Variants in GABBR1 observed in about 807,000 individuals in gnomAD.
GABBR1 encodes the protein gamma-aminobutyric acid type B receptor subunit 1.
GABBR1 carries 35 observed loss-of-function variants against 117.7 expected under a neutral mutation model. That is an observed-to-expected ratio of 0.30 (90% CI 0.23 to 0.39). The LOEUF is 0.39. Among genes scored for constraint, GABBR1 ranks in the 10% least tolerant of loss-of-function variants. GABBR1 has a pLI of 1.00. For missense variants in GABBR1, 709 were observed against 1,241.8 expected, an observed-to-expected ratio of 0.57 and a Z score of 6.45; for synonymous variants, 442 against 486.6, an observed-to-expected ratio of 0.91 and a Z score of 1.21.
chr6:29,632,255 G>C lies in GABBR1; in HGVS notation c.85+46C>G. Reference sequence around the variant, plus strand: ...CAGAAATGAGGAGATGCAGGGAAAGGGAAGTGGAGCGAAGGAGGGCCGGAG... The same window carrying C: ...CAGAAATGAGGAGATGCAGGGAAAGCGAAGTGGAGCGAAGGAGGGCCGGAG... On this transcript the variant is annotated intron_variant, in intron 2 of 22. Transcript: ENST00000377034. The surrounding 1 kb of genome is among the most constrained non-coding windows in gnomAD (Gnocchi z 5.8). 1 of 1,117,814 alleles carries C rather than the reference G, an allele frequency of 8.9e-7. No individual in the cohort carries two copies. Among genetic ancestry groups the C allele is most frequent in the Admixed American group, 3.5e-5 (1 of 28,310 alleles). 69.2% of individuals were successfully genotyped at this position (1,117,814 alleles called of 1,614,324 possible).
rs771277439 is a variant in GABBR1, at chr6:29,631,511, T to C, written c.174A>G (p.Pro58=). 24 of 1,614,210 alleles carry C rather than the reference T, an allele frequency of 1.5e-5. No individual in the cohort carries two copies. The South Asian group carries it at 2.1e-4, about 14-fold the overall frequency. ...RDQVKAINFL[P]VDYEIEYVCR... Reference sequence around the variant, plus strand: ...ACACATACTCAATCTCATAGTCCACTGGCAGGAAGTTGATAGCCTTCACCT... The same window carrying C: ...ACACATACTCAATCTCATAGTCCACCGGCAGGAAGTTGATAGCCTTCACCT... The change falls in exon 3 of 23, where the codon CCA becomes CCG. Residue 58 remains proline (P), a synonymous_variant. Transcript: ENST00000377034. The surrounding 1 kb of genome is among the most constrained non-coding windows in gnomAD (Gnocchi z 5.9).
chr6:29,624,181 T>A (rs1331180601), intron 6 of GABBR1, 157 bp from the exon 7 acceptor site: 2 of 729,786 alleles, frequency 2.7e-6, no homozygotes, highest in Non-Finnish European at 4.2e-6. Flanking sequence ...TCTCTTCCTG[T>A]CAAGTGCCTT....
At chr6:29,625,640 C>G (rs1016598292) in intron 6 of GABBR1, among the ~76,000 whole-genome samples, 1 of 152,140 alleles carries the variant, frequency 6.6e-6, no homozygotes, top group African/African-American at 2.4e-5. Context: ...GGTTCTTCTG[C>G]CTTCCCATCC....
In GABBR1 at chr6:29,622,128, T is replaced by G; in HGVS notation, c.1041A>C (p.Pro347=). 6.2e-7 allele frequency: 1 copy of G among 1,614,144 alleles called. No individual in the cohort carries two copies. Among genetic ancestry groups the G allele is most frequent in the Admixed American group, 1.7e-5 (1 of 60,024 alleles). ...CCTTCAGGTTTTTGACGGGCACAGCTGGATCTGAGAAGAAACTCTGGCGGA... is the reference window on the plus strand; with the variant it reads ...CCTTCAGGTTTTTGACGGGCACAGCGGGATCTGAGAAGAAACTCTGGCGGA... The part of the protein sequence containing the change: ...ITFRQSFFSD[P]AVPVKNLKRQ... Residue 347 remains proline, a synonymous_variant, in exon 9 of 23, where the codon CCA becomes CCC. Coordinates refer to ENST00000377034, the MANE Select transcript of GABBR1 (RefSeq NM_001470.4). This position sits in a 1 kb window ranked among gnomAD's most constrained non-coding sequence, Gnocchi z 4.6.
intron 6 of GABBR1, among the ~76,000 whole-genome samples, chr6:29,624,652 A>G (rs1228780527): frequency 6.6e-6 from 1 of 152,120 alleles, no homozygotes; most frequent in Non-Finnish European, 1.5e-5. Context: ...GGGGGGTGGA[A>G]GTAGGGAAGA....
chr6:29,604,514 G>A lies in GABBR1; in HGVS notation c.2692C>T (p.Leu898=). 1 of 1,613,230 alleles carries A rather than the reference G, an allele frequency of 6.2e-7. No homozygotes were observed. The highest frequency in any genetic ancestry group is 8.5e-7 in the Non-Finnish European group (1 of 1,180,000). Residue 898 remains leucine, a synonymous_variant, in exon 22 of 23, where the codon CTG becomes TTG. Transcript: ENST00000377034. This position sits in a 1 kb window ranked among gnomAD's most constrained non-coding sequence, Gnocchi z 5.3. ...SRLLEKENRE[L]EKIIAEKEER... is the part of the protein sequence containing the mutation. ...CGCACCTCAGCAATGATCTTTTCCAGTTCACGGTTCTCCTTCTCCAACAGC... is the reference window on the plus strand; with the variant it reads ...CGCACCTCAGCAATGATCTTTTCCAATTCACGGTTCTCCTTCTCCAACAGC...
chr6:29,614,523 C>T (rs3025632), intron 11 of GABBR1, among the ~76,000 whole-genome samples: 6,547 of 152,314 alleles, frequency 0.043, 173 homozygotes, highest in Middle Eastern at 0.15. Flanking sequence ...GAGTGAGATA[C>T]GCAAAGGGCA....
chr6:29,609,461 G>A lies in GABBR1; in HGVS notation c.1709-82C>T, dbSNP rs1582960774. On this transcript the variant is annotated intron_variant, in intron 14 of 22. Coordinates refer to ENST00000377034, the MANE Select transcript of GABBR1 (RefSeq NM_001470.4). This position sits in a 1 kb window ranked among gnomAD's most constrained non-coding sequence, Gnocchi z 4.3. ...GGAATGAAGACGGGATAGGAGAAAA[G>A]GGCAAAGAACTAGATTGCTGATGGA... The A allele has an allele frequency of 7.9e-7, 1 of 1,264,016 alleles. No individual in the cohort carries two copies. The highest frequency in any genetic ancestry group is 1.1e-6 in the Non-Finnish European group (1 of 884,852). The allele number at this position is 1,264,016 out of a possible 1,614,324, so 78.3% of individuals were successfully genotyped here. A position where few individuals can be genotyped will look rare whatever the true frequency, so the allele number is the denominator to read the frequency against.
intron 6 of GABBR1, among the ~76,000 whole-genome samples, chr6:29,626,238 G>A (rs1412095565): frequency 6.6e-6 from 1 of 152,024 alleles, no homozygotes; most frequent in Non-Finnish European, 1.5e-5. Flanking sequence ...CCTCACTTCT[G>A]TCCCCTCACA....
Position 29,602,779 on chromosome 6 carries a change from T to C in GABBR1, c.*764A>G. 1 of 349,208 alleles carries C rather than the reference T, an allele frequency of 2.9e-6. No individual in the cohort carries two copies. The highest frequency in any genetic ancestry group is 4.0e-5 in the Admixed American group (1 of 24,850). 21.6% of individuals were successfully genotyped at this position (349,208 alleles called of 1,614,324 possible). ...CTCAGCATGCTAGACAAATTGCACA[T>C]GCCTACCCAAACACGCTCAAGGGCA... On this transcript the variant is annotated 3_prime_UTR_variant, in exon 23 of 23. Transcript: ENST00000377034.
chr6:29,628,033 G>T, intron 5 of GABBR1: 6 of 1,228,092 alleles, frequency 4.9e-6, no homozygotes, highest in Non-Finnish European at 5.1e-6. Context: ...AGGGGAGGAG[G>T]AGGAGCAGGA....
At position 29,628,161 on chromosome 6, in the gene GABBR1, G is replaced by A. The variant is rs1190856088; in HGVS notation, c.497-515C>T. On this transcript the variant is annotated intron_variant, in intron 5 of 22. Transcript: ENST00000377034. ...GGGGGCGGGGAGGGAAGCGAGCGCCGAGGTGGGAGCGACAGTCGGAGGGGC... is the reference window on the plus strand; with the variant it reads ...GGGGGCGGGGAGGGAAGCGAGCGCCAAGGTGGGAGCGACAGTCGGAGGGGC... The A allele has an allele frequency of 2.6e-5, 16 of 626,764 alleles. No homozygotes were observed. In the South Asian group the frequency reaches 9.0e-4, roughly 35 times the overall value. The allele number at this position is 626,764 out of a possible 1,614,324, so 38.8% of individuals were successfully genotyped here. A position where few individuals can be genotyped will look rare whatever the true frequency, so the allele number is the denominator to read the frequency against.
chr6:29,622,250 G>T lies in GABBR1; in HGVS notation c.964-45C>A. On this transcript the variant is annotated intron_variant, in intron 8 of 22. Coordinates refer to ENST00000377034, the MANE Select transcript of GABBR1 (RefSeq NM_001470.4). This position sits in a 1 kb window ranked among gnomAD's most constrained non-coding sequence, Gnocchi z 4.6. ...CAAGTTGGAAAAACACGGGGTGCAT[G>T]AGGGAATAAAGACCAGAGAGGTTAA... The T allele has an allele frequency of 1.5e-6, 2 of 1,317,016 alleles. No individual in the cohort carries two copies. The highest frequency in any genetic ancestry group is 2.2e-6 in the Non-Finnish European group (2 of 912,018). The allele number at this position is 1,317,016 out of a possible 1,614,324, so 81.6% of individuals were successfully genotyped here. A position where few individuals can be genotyped will look rare whatever the true frequency, so the allele number is the denominator to read the frequency against.
chr6:29,616,610 A>C (rs1392929213), intron 11 of GABBR1, among the ~76,000 whole-genome samples: 1 of 151,086 alleles, frequency 6.6e-6, no homozygotes, highest in African/African-American at 2.4e-5. Flanking sequence ...ACTGGAACCC[A>C]GGAGGCAGAG....
rs1327768472 is a variant in GABBR1 at position 29,606,040 on chromosome 6, G to A, written c.2312-344C>T. The A allele has an allele frequency of 2.1e-5, 11 of 514,034 alleles. No individual in the cohort carries two copies. The highest frequency in any genetic ancestry group is 5.1e-4 in the Middle Eastern group (1 of 1,980). The allele number at this position is 514,034 out of a possible 1,614,324, so 31.8% of individuals were successfully genotyped here. On this transcript the variant is annotated intron_variant, in intron 19 of 22. Transcript: ENST00000377034. This position sits in a 1 kb window ranked among gnomAD's most constrained non-coding sequence, Gnocchi z 4.5. ...TGGGAAGGTGGCTTTCCAGGCAGAG[G>A]GTAGGTTTGCAATTTGTGACCATGA...
rs753913090 is a variant in GABBR1, at chr6:29,607,014, T to C, written c.2110-10A>G. On this transcript the variant is annotated splice_polypyrimidine_tract_variant and intron_variant, in intron 17 of 22. Coordinates refer to ENST00000377034, the MANE Select transcript of GABBR1 (RefSeq NM_001470.4). This position sits in a 1 kb window ranked among gnomAD's most constrained non-coding sequence, Gnocchi z 5.0. ...TCCAGGGTTCCAGAGTCTGGATAAA[T>C]ATGTGGGGAGAACAGGCACGTCAGG... 1.2e-5 allele frequency: 19 copies of C among 1,613,254 alleles called. No individual in the cohort carries two copies. The highest frequency in any genetic ancestry group is 1.1e-4 in the South Asian group (10 of 91,082).
Position 29,606,599 on chromosome 6 carries a change from C to T in GABBR1, c.2218-115G>A. ...CCTATGAGACCCTCAATGCTGATGC[C>T]AAATCTCATTCTAGGCCTAAGAATG... is the stretch of plus-strand genomic sequence containing the variant. On this transcript the variant is annotated intron_variant, in intron 18 of 22. Coordinates refer to ENST00000377034, the MANE Select transcript of GABBR1 (RefSeq NM_001470.4). The surrounding 1 kb of genome is among the most constrained non-coding windows in gnomAD (Gnocchi z 4.5). 1.3e-6 allele frequency: 1 copy of T among 775,880 alleles called. No homozygotes were observed. The allele number at this position is 775,880 out of a possible 1,614,324, so 48.1% of individuals were successfully genotyped here. A position where few individuals can be genotyped will look rare whatever the true frequency, so the allele number is the denominator to read the frequency against.
chr6:29,617,763 A>C (rs28359973), intron 11 of GABBR1, among the ~76,000 whole-genome samples: 1 of 152,128 alleles, frequency 6.6e-6, no homozygotes, highest in Non-Finnish European at 1.5e-5. Flanking sequence ...CAAATCACTG[A>C]GTCCTCTTAA....
chr6:29,605,063 AG>A lies in GABBR1; in HGVS notation c.2440-76del. ...AGATCCAGAGTTTACTTCCCATGGG[AG>A]GGAGTCTATGCAGACAGTTTCCTGG... On this transcript the variant is annotated intron_variant, in intron 20 of 22. Transcript: ENST00000377034. The surrounding 1 kb of genome is among the most constrained non-coding windows in gnomAD (Gnocchi z 4.2). The A allele has an allele frequency of 6.9e-7, 1 of 1,454,446 alleles. No homozygotes were observed. Among genetic ancestry groups the A allele is most frequent in the Non-Finnish European group, 9.2e-7 (1 of 1,084,496 alleles). The allele number at this position is 1,454,446 out of a possible 1,614,324, so 90.1% of individuals were successfully genotyped here.
Sources: allele counts gnomAD v4.1 joint callset (sites outside exome capture counted in the v4.1 genomes callset), GRCh38; gene constraint gnomAD v4.1.1; non-coding constraint Gnocchi (gnomAD v3.1); transcripts MANE v1.5; gene names NCBI Gene and HGNC (gene_info 2026-07-23, HGNC 2026-07-21).